The following TENM3 variants were observed in gnomAD, a reference collection of about 807,000 sequenced individuals.
TENM3 encodes the protein teneurin-3.
In TENM3, 63 loss-of-function variants were observed where a neutral mutation model predicts 255.1. The observed-to-expected ratio is 0.25, with a 90% confidence interval of 0.20 to 0.30. The LOEUF is 0.30. Ranked by LOEUF, TENM3 falls within the 10% of genes least tolerant of loss-of-function variation. The pLI is 1.00. For synonymous variants in TENM3, 1,306 were observed against 1,322.3 expected (o/e 0.99, Z 0.27); for missense variants, 2,929 against 3,461.1 (o/e 0.85, Z 3.86).
At chr4:181,983,985 T>G in the TENM3 span, among the ~76,000 whole-genome samples, 3 of 152,114 alleles carry the variant, frequency 2.0e-5, no homozygotes, top group African/African-American at 7.2e-5. Flanking sequence ...TATATGAGTA[T>G]CAGTTTTGGC....
intron 1 of TENM3, among the ~76,000 whole-genome samples, chr4:182,230,934 C>T (rs1756533442): frequency 6.8e-6 from 1 of 147,410 alleles, no homozygotes; most frequent in Admixed American, 6.9e-5. Context: ...GTGGGTGCAG[C>T]CCTGCCTCAT....
the TENM3 span, among the ~76,000 whole-genome samples, chr4:181,965,119 A>G: frequency 1.3e-5 from 2 of 152,360 alleles, no homozygotes; most frequent in Non-Finnish European, 2.9e-5. Context: ...AAGTTTAATT[A>G]TAAAATTATG....
At chr4:182,014,574 A>G in the TENM3 span, among the ~76,000 whole-genome samples, 1 of 150,078 alleles carries the variant, frequency 6.7e-6, no homozygotes. Context: ...AGGCAATGGT[A>G]GGGCCCCTCC....
the TENM3 span, among the ~76,000 whole-genome samples, chr4:182,044,793 G>A: frequency 7.2e-5 from 11 of 152,168 alleles, 1 homozygote; most frequent in East Asian, 1.9e-4. Context: ...TTTTCCTGCC[G>A]TATTGACCAA....
At chr4:181,894,734 A>G in the TENM3 span, among the ~76,000 whole-genome samples, 1 of 80,278 alleles carries the variant, frequency 1.2e-5, no homozygotes, top group Middle Eastern at 4.6e-3. Flanking sequence ...TCAGTGGCAG[A>G]AAAAAAAAAA....
Position 182,800,074 on chromosome 4 carries a change from G to A in TENM3, c.7823G>A (p.Arg2608His). The A allele has an allele frequency of 1.9e-6, 3 of 1,600,928 alleles. No homozygotes were observed. The highest frequency in any genetic ancestry group is 2.3e-5 in the East Asian group (1 of 44,214). ...MQFGALALHVRYGMTLDEEKA... is the reference protein window; with the variant it reads ...MQFGALALHVHYGMTLDEEKA... The stretch of plus-strand genomic sequence containing the variant: ...TTCGGCGCGCTGGCGCTGCACGTGC[G>A]CTACGGCATGACCCTGGACGAGGAG... The change falls in exon 28 of 28, where the codon CGC becomes CAC. Residue 2608 changes from arginine to histidine, a missense_variant. Arg to His is a conservative substitution (Grantham distance 29, BLOSUM62 0). This residue lies in a region of TENM3 where 476 missense variants were observed against 480.1 expected (regional missense o/e 0.99). Transcript: ENST00000511685.
chr4:181,779,900 T>G, the TENM3 span, among the ~76,000 whole-genome samples: 1 of 152,210 alleles, frequency 6.6e-6, no homozygotes, highest in Admixed American at 6.5e-5. Context: ...TGGTTTCTTG[T>G]CCTTGCAACA....
At chr4:182,239,075 ATT>A (rs1417096051), upstream of TENM3, among the ~76,000 whole-genome samples, 30 of 72,068 alleles carry the variant, frequency 4.2e-4, no homozygotes, top group Admixed American at 1.6e-3. Flanking sequence ...GTGTGTGTGT[ATT>A]TTTTTTTTTC....
intron 3 of TENM3, among the ~76,000 whole-genome samples, chr4:182,380,195 C>T (rs1053668933): frequency 1.3e-5 from 2 of 152,226 alleles, no homozygotes; most frequent in Non-Finnish European, 2.9e-5. Flanking sequence ...CACTTGAACC[C>T]GGGAGGCAGA....
the TENM3 span, among the ~76,000 whole-genome samples, chr4:181,737,645 C>G: frequency 6.6e-6 from 1 of 152,024 alleles, no homozygotes; most frequent in Non-Finnish European, 1.5e-5. Context: ...TGTCCTCAGT[C>G]TATCATAAAG....
At chr4:182,352,078 A>G (rs1357667878) in intron 3 of TENM3, among the ~76,000 whole-genome samples, 1 of 152,110 alleles carries the variant, frequency 6.6e-6, no homozygotes, top group Admixed American at 6.5e-5. Context: ...TATAGATATC[A>G]ATAGATATCT....
chr4:182,427,218 T>C (rs964133014), intron 3 of TENM3, among the ~76,000 whole-genome samples: 3 of 152,220 alleles, frequency 2.0e-5, no homozygotes, highest in Non-Finnish European at 4.4e-5. Flanking sequence ...GTTTGTTTTG[T>C]CTTTACACTT....
chr4:181,532,091 T>C, the TENM3 span, among the ~76,000 whole-genome samples: 1 of 152,078 alleles, frequency 6.6e-6, no homozygotes, highest in African/African-American at 2.4e-5. Context: ...TGTGTTATAA[T>C]AGAAGTAGAG....
At chr4:181,501,625 G>T in the TENM3 span, among the ~76,000 whole-genome samples, 1 of 151,968 alleles carries the variant, frequency 6.6e-6, no homozygotes, top group Admixed American at 6.6e-5. Flanking sequence ...TAATCTGCCC[G>T]CCTTGACCTC....
At chr4:181,487,508 C>T in the TENM3 span, among the ~76,000 whole-genome samples, 9 of 152,144 alleles carry the variant, frequency 5.9e-5, no homozygotes, top group Admixed American at 5.2e-4. Context: ...ACTGTGTTCT[C>T]ACATGGTGGA....
chr4:182,194,032 A>AT (rs1482467406), intron 1 of TENM3, among the ~76,000 whole-genome samples: 1 of 152,312 alleles, frequency 6.6e-6, no homozygotes, highest in African/African-American at 2.4e-5. Context: ...AACATAATCT[A>AT]TTTTTTATTG....
intron 1 of TENM3, among the ~76,000 whole-genome samples, chr4:182,305,723 C>T (rs76733859): frequency 0.058 from 8,903 of 152,248 alleles, 378 homozygotes; most frequent in Non-Finnish European, 0.089. Flanking sequence ...AGGGTAACCC[C>T]CTGCAGAGTA....
chr4:181,921,319 T>G, the TENM3 span, among the ~76,000 whole-genome samples: 1 of 152,186 alleles, frequency 6.6e-6, no homozygotes, highest in Non-Finnish European at 1.5e-5. Context: ...ATAAATTCCC[T>G]TGGGCAGTAT....
the TENM3 span, among the ~76,000 whole-genome samples, chr4:182,138,343 T>C: frequency 6.6e-6 from 1 of 152,242 alleles, no homozygotes; most frequent in Non-Finnish European, 1.5e-5. Flanking sequence ...TGTCAGGACA[T>C]ATACATTTGA....
Sources: allele counts gnomAD v4.1 joint callset (sites outside exome capture counted in the v4.1 genomes callset), GRCh38; gene constraint gnomAD v4.1.1; regional missense constraint gnomAD v4.1.1; transcripts MANE v1.5; gene names NCBI Gene and HGNC (gene_info 2026-07-23, HGNC 2026-07-21).